The following RCC1L variants were observed in gnomAD, a reference collection of about 807,000 sequenced individuals.
RCC1L encodes the protein RCC1-like G exchanging factor-like protein.
A neutral mutation model predicts 58.6 loss-of-function variants in RCC1L; 46 were observed. The ratio of observed to expected loss-of-function variants is 0.79; its 90% CI spans 0.62 to 1.00. The LOEUF is 1.00. RCC1L is among the 50% of genes least tolerant of loss of function. The probability of loss-of-function intolerance (pLI) is 0.00; values close to 1 mark genes in which losing one functional copy is unlikely to be tolerated. For synonymous variants in RCC1L, 281 were observed against 262.9 expected, an observed-to-expected ratio of 1.07 and a Z score of -0.67; for missense variants, 636 against 623.6, an observed-to-expected ratio of 1.02 and a Z score of -0.21.
At chr7:75,051,700 C>T (rs920350426) in intron 10 of RCC1L, among the ~76,000 whole-genome samples, 1 of 152,166 alleles carries the variant, frequency 6.6e-6, no homozygotes, top group African/African-American at 2.4e-5. Context: ...TGTGAGACAC[C>T]ACACCTGGTG....
At chr7:75,058,436 G>A in intron 7 of RCC1L, 152 bp downstream of exon 7, 1 of 986,192 alleles carries the variant, frequency 1.0e-6, no homozygotes, top group South Asian at 1.5e-5. Context: ...TTGCCATGTT[G>A]CCCAGGCTGG....
intron 1 of RCC1L, among the ~76,000 whole-genome samples, chr7:75,072,575 T>C (rs1325357942): frequency 6.6e-6 from 1 of 152,066 alleles, no homozygotes; most frequent in Non-Finnish European, 1.5e-5. Context: ...CCAAGGTCTT[T>C]GTTGGGTGTT....
At chr7:75,031,211 C>T (rs1484686330) in intron 10 of RCC1L, among the ~76,000 whole-genome samples, 1 of 152,064 alleles carries the variant, frequency 6.6e-6, no homozygotes, top group Non-Finnish European at 1.5e-5. Flanking sequence ...GGGGCCTCTG[C>T]CCTGCCCAGA....
At chr7:75,061,002 A>G (rs1320292210) in intron 6 of RCC1L, among the ~76,000 whole-genome samples, 1 of 152,062 alleles carries the variant, frequency 6.6e-6, no homozygotes, top group Non-Finnish European at 1.5e-5. Flanking sequence ...TGAGCCTGGG[A>G]GTTTGAGACT....
intron 10 of RCC1L, among the ~76,000 whole-genome samples, chr7:75,032,026 A>C (rs1805318878): frequency 1.3e-5 from 2 of 152,186 alleles, no homozygotes; most frequent in South Asian, 4.1e-4. Flanking sequence ...TGTTATTTTT[A>C]TTCCTAGCCA....
At chr7:75,039,327 C>A (rs900047522), downstream of RCC1L, among the ~76,000 whole-genome samples, 1 of 152,262 alleles carries the variant, frequency 6.6e-6, no homozygotes, top group African/African-American at 2.4e-5. Flanking sequence ...GTGCCCGAGC[C>A]TTCTCTTTAG....
downstream of RCC1L, among the ~76,000 whole-genome samples, chr7:75,041,675 G>A (rs1472543188): frequency 1.3e-4 from 19 of 151,748 alleles, no homozygotes; most frequent in African/African-American, 4.1e-4. Context: ...CCTGGCCAAC[G>A]TGGTGAAACC....
In RCC1L at chr7:75,063,295, G is replaced by C; in HGVS notation, c.699C>G (p.Val233=). 1 of 1,613,724 alleles carries C rather than the reference G, an allele frequency of 6.2e-7. No individual in the cohort carries two copies. Among genetic ancestry groups the C allele is most frequent in the Admixed American group, 1.7e-5 (1 of 59,960 alleles). Residue 233 remains valine (V), a synonymous_variant, in exon 5 of 11, where the codon GTC becomes GTG. Transcript: ENST00000610322. ...GCTCTCGGCCCATCTCTCTTACCTGGACCACCTGGCCATCGAAGTCCTGCA... is the reference window on the plus strand; with the variant it reads ...GCTCTCGGCCCATCTCTCTTACCTGCACCACCTGGCCATCGAAGTCCTGCA... The part of the protein sequence containing the change: ...HRMQDFDGQV[V]QVACGQDHSL...
At chr7:75,032,225 G>A (rs1157671963) in intron 10 of RCC1L, among the ~76,000 whole-genome samples, 2 of 151,746 alleles carry the variant, frequency 1.3e-5, no homozygotes, top group Non-Finnish European at 2.9e-5. Context: ...CTGGGAGTGG[G>A]GACGGTGGGG....
At chr7:75,062,013 C>T (rs898005023) in intron 5 of RCC1L, among the ~76,000 whole-genome samples, 15 of 151,100 alleles carry the variant, frequency 9.9e-5, no homozygotes, top group Non-Finnish European at 2.1e-4. Context: ...CATGGTGAAA[C>T]CCCATCTCTA....
Position 75,043,021 on chromosome 7 carries a change from G to GT in RCC1L, c.*10dup. 1 of 1,614,054 alleles carries GT rather than the reference G, an allele frequency of 6.2e-7. No individual in the cohort carries two copies. The highest frequency in any genetic ancestry group is 8.5e-7 in the Non-Finnish European group (1 of 1,179,878). ...TCCCGGGACGGGGCCGCCCAAGCAG[G>GT]TGAGGGAGGTTTAGATGAATGACTT... is the stretch of plus-strand genomic sequence containing the variant. On this transcript the variant is annotated 3_prime_UTR_variant, in exon 11 of 11. Coordinates refer to ENST00000610322, the MANE Select transcript of RCC1L (RefSeq NM_030798.5).
At chr7:75,053,833 C>T (rs1293883091) in intron 9 of RCC1L, among the ~76,000 whole-genome samples, 2 of 152,158 alleles carry the variant, frequency 1.3e-5, no homozygotes, top group African/African-American at 2.4e-5. Context: ...TAATTACAAG[C>T]TGTCTTAGGC....
intron 1 of RCC1L, 151 bp downstream of exon 1, chr7:75,073,263 C>G: frequency 2.3e-6 from 1 of 443,132 alleles, no homozygotes. Flanking sequence ...TAACGCCTTC[C>G]CCTCCTGGGC....
At chr7:75,060,682 C>T (rs953707098) in intron 6 of RCC1L, among the ~76,000 whole-genome samples, 5 of 152,104 alleles carry the variant, frequency 3.3e-5, no homozygotes, top group Admixed American at 2.0e-4. Flanking sequence ...CCGCCCACCT[C>T]GGCCTCCCAA....
At chr7:75,055,344 T>C (rs916480661) in intron 9 of RCC1L, among the ~76,000 whole-genome samples, 1 of 152,314 alleles carries the variant, frequency 6.6e-6, no homozygotes, top group East Asian at 1.9e-4. Flanking sequence ...TGTGGCTTTG[T>C]AATCTGGCAG....
At chr7:75,048,525 T>C (rs908133300) in intron 10 of RCC1L, among the ~76,000 whole-genome samples, 1 of 152,234 alleles carries the variant, frequency 6.6e-6, no homozygotes, top group Non-Finnish European at 1.5e-5. Context: ...GTGTGCACAC[T>C]GTGGAGGGAG....
chr7:75,065,201 A>T (rs1055498609), intron 3 of RCC1L, among the ~76,000 whole-genome samples: 1 of 152,056 alleles, frequency 6.6e-6, no homozygotes, highest in Non-Finnish European at 1.5e-5. Context: ...AAAAAAAAAA[A>T]AAAGAAAGAG....
In RCC1L at chr7:75,063,357, C is replaced by A. The variant is rs1554444683; in HGVS notation, c.651-14G>T. 1 of 1,613,744 alleles carries A rather than the reference C, an allele frequency of 6.2e-7. No individual in the cohort carries two copies. Among genetic ancestry groups the A allele is most frequent in the East Asian group, 2.2e-5 (1 of 44,862 alleles). ...CTGTGACTTTCACTACAGCCAGGAA[C>A]AAATTGGGAAGAAGCAAGGGATGCG... On this transcript the variant is annotated splice_polypyrimidine_tract_variant and intron_variant, in intron 4 of 10. Coordinates refer to ENST00000610322, the MANE Select transcript of RCC1L (RefSeq NM_030798.5).
chr7:75,041,338 C>T (rs905065898), downstream of RCC1L, among the ~76,000 whole-genome samples: 5 of 152,214 alleles, frequency 3.3e-5, no homozygotes, highest in East Asian at 1.9e-4. Flanking sequence ...TCATTTTTCC[C>T]GTTTCCCTCC....
Sources: allele counts gnomAD v4.1 joint callset (sites outside exome capture counted in the v4.1 genomes callset), GRCh38; gene constraint gnomAD v4.1.1; transcripts MANE v1.5; gene names NCBI Gene and HGNC (gene_info 2026-07-23, HGNC 2026-07-21).